LUZP2: variants seen among roughly 807,000 people sequenced by gnomAD.
The protein encoded by LUZP2 is leucine zipper protein 2.
In LUZP2, 52 loss-of-function variants were observed where a neutral mutation model predicts 51.6. That is an observed-to-expected ratio of 1.01 (90% CI 0.81 to 1.27). The LOEUF is 1.27. LUZP2 is among the 50% of genes most tolerant of loss of function. LUZP2 has a pLI of 0.00. For synonymous variants in LUZP2, 154 were observed against 137.3 expected (o/e 1.12, Z -0.85); for missense variants, 436 against 395.4 (o/e 1.10, Z -0.87).
chr11:24,604,890 T>C (rs72880630), intron 1 of LUZP2, among the ~76,000 whole-genome samples: 8,320 of 151,870 alleles, frequency 0.055, 298 homozygotes, highest in Middle Eastern at 0.085. Context: ...ATGTCTAATA[T>C]GCAAAATAAC....
At position 24,774,381 on chromosome 11, in the gene LUZP2, T is replaced by TATATACAC. The variant is rs1184772523; in HGVS notation, c.396+11074_396+11075insTATACACA. On this transcript the variant is annotated intron_variant, in intron 5 of 11. Coordinates refer to ENST00000336930, the MANE Select transcript of LUZP2 (RefSeq NM_001009909.4). ...CTCTCTCTATATATATATATATATA[T>TATATACAC]ACATACACACACACATATTTATAAA... Among the ~76,000 whole-genome samples, 332 of 93,954 alleles carry TATATACAC rather than the reference T, an allele frequency of 3.5e-3. 7 individuals are homozygous for TATATACAC. The highest frequency in any genetic ancestry group is 5.5e-3 in the African/African-American group (121 of 21,834). The allele number at this position is 93,954 out of a possible 152,430, so 61.6% of individuals were successfully genotyped here.
intron 1 of LUZP2, among the ~76,000 whole-genome samples, chr11:24,543,821 C>CAAAAAAAA (rs1407050931): frequency 3.6e-4 from 1 of 2,766 alleles, no homozygotes; most frequent in African/African-American, 1.8e-3. Context: ...GACTCTGTCT[C>CAAAAAAAA]ACAAAAAAAA....
intron 2 of LUZP2, among the ~76,000 whole-genome samples, chr11:24,731,287 G>T (rs1858703448): frequency 6.6e-6 from 1 of 151,752 alleles, no homozygotes; most frequent in African/African-American, 2.4e-5. Flanking sequence ...AAGTAAACAA[G>T]TGTTTGCCCT....
At chr11:24,772,400 T>A (rs1464136155) in intron 5 of LUZP2, among the ~76,000 whole-genome samples, 1 of 152,214 alleles carries the variant, frequency 6.6e-6, no homozygotes, top group Non-Finnish European at 1.5e-5. Context: ...TGAATTCTTA[T>A]GCCTGCCTAC....
chr11:24,981,013 C>CT (rs1472340042), intron 8 of LUZP2, among the ~76,000 whole-genome samples: 1 of 151,896 alleles, frequency 6.6e-6, no homozygotes, highest in African/African-American at 2.4e-5. Context: ...ACAAGACTGG[C>CT]TGTACATGGT....
At chr11:24,601,784 T>C (rs891750096) in intron 1 of LUZP2, among the ~76,000 whole-genome samples, 2 of 150,408 alleles carry the variant, frequency 1.3e-5, no homozygotes, top group African/African-American at 4.9e-5. Flanking sequence ...TAACCAAGTA[T>C]ATTAATTCTT....
At chr11:24,591,477 C>T (rs1029788408) in intron 1 of LUZP2, among the ~76,000 whole-genome samples, 4 of 152,174 alleles carry the variant, frequency 2.6e-5, no homozygotes, top group Non-Finnish European at 5.9e-5. Context: ...GTTATAATTG[C>T]TTTTTCTCTG....
intron 1 of LUZP2, among the ~76,000 whole-genome samples, chr11:24,671,757 C>T (rs1856408311): frequency 6.6e-6 from 1 of 152,050 alleles, no homozygotes; most frequent in African/African-American, 2.4e-5. Flanking sequence ...TTACACGAAC[C>T]TAGTTGGAAC....
Position 24,783,625 on chromosome 11 carries a change from C to T in LUZP2, c.396+20317C>T, listed in dbSNP as rs548675258. ...ATTTCATACATGAATCTGCAACCTTCAACTTCTGTGGAGGACTCTGATTTG... is the reference window on the plus strand; with the variant it reads ...ATTTCATACATGAATCTGCAACCTTTAACTTCTGTGGAGGACTCTGATTTG... On this transcript the variant is annotated intron_variant, in intron 5 of 11. Transcript: ENST00000336930. Among the ~76,000 whole-genome samples, 7 of 152,034 alleles carry T rather than the reference C, an allele frequency of 4.6e-5. No homozygotes were observed. In the South Asian group the frequency reaches 1.5e-3, roughly 32 times the overall value.
chr11:25,034,279 T>G (rs1857784470), intron 9 of LUZP2, among the ~76,000 whole-genome samples: 1 of 152,172 alleles, frequency 6.6e-6, no homozygotes, highest in African/African-American at 2.4e-5. Flanking sequence ...GGGTTATTTG[T>G]TTTTTGCCTG....
intron 1 of LUZP2, among the ~76,000 whole-genome samples, chr11:24,503,931 C>A (rs1272998130): frequency 1.3e-5 from 2 of 151,842 alleles, no homozygotes; most frequent in African/African-American, 4.8e-5. Flanking sequence ...GGCCGTAAGA[C>A]AAAGGGAATT....
intron 1 of LUZP2, among the ~76,000 whole-genome samples, chr11:24,530,677 C>T (rs1850963845): frequency 6.8e-6 from 1 of 147,482 alleles, no homozygotes; most frequent in African/African-American, 2.5e-5. Flanking sequence ...CAGTTGTTTA[C>T]ATTTTGCCTT....
chr11:24,650,292 CT>C (rs1443696645), intron 1 of LUZP2, among the ~76,000 whole-genome samples: 2 of 151,902 alleles, frequency 1.3e-5, no homozygotes, highest in African/African-American at 4.8e-5. Context: ...TAAAATCCTC[CT>C]CTAGGACCAT....
At chr11:24,690,400 C>T in intron 1 of LUZP2, among the ~76,000 whole-genome samples, 1 of 151,976 alleles carries the variant, frequency 6.6e-6, no homozygotes, top group East Asian at 1.9e-4. Flanking sequence ...AAGGTGATTT[C>T]CAGGGAAGTT....
At chr11:24,873,484 G>A (rs956220129) in intron 5 of LUZP2, among the ~76,000 whole-genome samples, 1 of 152,236 alleles carries the variant, frequency 6.6e-6, no homozygotes, top group Non-Finnish European at 1.5e-5. Context: ...GCAGCCATTC[G>A]CTAAGTATGA....
chr11:24,770,260 A>G (rs532147893), intron 5 of LUZP2, among the ~76,000 whole-genome samples: 1 of 152,334 alleles, frequency 6.6e-6, no homozygotes, highest in East Asian at 1.9e-4. Flanking sequence ...GGGATAATAT[A>G]TAAGTCTAGG....
chr11:24,826,072 A>T (rs1054750303), intron 5 of LUZP2, among the ~76,000 whole-genome samples: 9 of 149,368 alleles, frequency 6.0e-5, no homozygotes, highest in African/African-American at 2.2e-4. Context: ...ACTACTCGGG[A>T]GGCTGAGGCA....
chr11:24,883,084 A>G (rs1852539899), intron 5 of LUZP2, among the ~76,000 whole-genome samples: 1 of 152,018 alleles, frequency 6.6e-6, no homozygotes, highest in Non-Finnish European at 1.5e-5. Flanking sequence ...AGGATGATCA[A>G]CTATGTCAAA....
chr11:24,623,563 A>T (rs567408140), intron 1 of LUZP2, among the ~76,000 whole-genome samples: 3 of 152,134 alleles, frequency 2.0e-5, no homozygotes, highest in African/African-American at 7.2e-5. Context: ...ATTGCCAAAC[A>T]TGCCAGGCAC....
Sources: gnomAD v4.1 joint callset for allele counts (sites outside exome capture counted in the v4.1 genomes callset) on GRCh38, gnomAD v4.1.1 for gene constraint, MANE v1.5 for transcripts, NCBI Gene and HGNC (gene_info 2026-07-23, HGNC 2026-07-21) for gene names.